The following ADK variants were observed in gnomAD, a reference collection of about 807,000 sequenced individuals.
The protein encoded by ADK is N6,N6-dimethyladenosine kinase.
Under a neutral mutation model 44.7 loss-of-function variants are expected in ADK, and 24 were observed. The observed-to-expected ratio is 0.54, with a 90% CI of 0.39 to 0.76. The LOEUF is 0.76. ADK is among the 30% of genes least tolerant of loss of function. The pLI, the probability that ADK is intolerant of heterozygous loss-of-function variation, is 0.00. For synonymous variants in ADK, 128 were observed against 142.6 expected (o/e 0.90, Z 0.73); for missense variants, 321 against 425.1 (o/e 0.76, Z 2.15).
intron 2 of ADK, among the ~76,000 whole-genome samples, chr10:74,211,178 C>G (rs929213862): frequency 1.3e-5 from 2 of 152,142 alleles, no homozygotes; most frequent in Admixed American, 1.3e-4. Context: ...AGCTACCGTG[C>G]CCGGTCTTTT....
intron 1 of ADK, among the ~76,000 whole-genome samples, chr10:74,200,113 A>G (rs1843316958): frequency 6.7e-6 from 1 of 148,622 alleles, no homozygotes; most frequent in Non-Finnish European, 1.5e-5. Flanking sequence ...TCCCATCAGC[A>G]GTTTATAAGT....
At chr10:74,440,141 G>T (rs372592017) in intron 6 of ADK, among the ~76,000 whole-genome samples, 2 of 151,882 alleles carry the variant, frequency 1.3e-5, no homozygotes, top group African/African-American at 4.8e-5. Flanking sequence ...GCTTAGTATT[G>T]TTTAAATAAT....
chr10:74,595,647 A>T (rs1851888138), intron 8 of ADK, among the ~76,000 whole-genome samples: 1 of 148,732 alleles, frequency 6.7e-6, no homozygotes, highest in Admixed American at 6.7e-5. Flanking sequence ...AAGTGGTGGG[A>T]TTACAAGCGT....
At chr10:74,314,888 C>G in intron 4 of ADK, 143 bp downstream of exon 4, 1 of 654,550 alleles carries the variant, frequency 1.5e-6, no homozygotes, top group South Asian at 1.8e-5. Flanking sequence ...CATTGCACAT[C>G]TAATCAAAAG....
chr10:74,158,436 GT>G (rs1174028628), intron 1 of ADK, among the ~76,000 whole-genome samples: 1 of 152,168 alleles, frequency 6.6e-6, no homozygotes, highest in East Asian at 1.9e-4. Flanking sequence ...GAAGCTGGAA[GT>G]TTTTTAAAAA....
At chr10:74,649,983 A>G (rs1213976472) in intron 9 of ADK, among the ~76,000 whole-genome samples, 3 of 152,230 alleles carry the variant, frequency 2.0e-5, no homozygotes, top group South Asian at 4.1e-4. Context: ...GTTCTCTTCA[A>G]TCTCAAAGCG....
At chr10:74,188,588 G>C (rs940461474) in intron 1 of ADK, among the ~76,000 whole-genome samples, 9 of 152,072 alleles carry the variant, frequency 5.9e-5, no homozygotes, top group East Asian at 1.9e-4. Context: ...TCCTGACCTC[G>C]TGACCTGCCT....
At chr10:74,504,230 G>GT (rs1025423595) in intron 6 of ADK, among the ~76,000 whole-genome samples, 50 of 147,828 alleles carry the variant, frequency 3.4e-4, no homozygotes, top group Admixed American at 9.5e-4. Flanking sequence ...TACTGTTGTT[G>GT]TTTTTTTTTT....
intron 4 of ADK, among the ~76,000 whole-genome samples, chr10:74,390,912 A>G (rs1843307547): frequency 6.6e-6 from 1 of 152,150 alleles, no homozygotes; most frequent in African/African-American, 2.4e-5. Context: ...GATAATGCTA[A>G]TTGATAATGG....
chr10:74,249,005 T>G lies in ADK; in HGVS notation c.194+24414T>G, dbSNP rs73284272. ...GTATATTTTCTCATTGCTTTATGATTATAAATATTTTCTGCTGCTTTTTGC... is the reference window on the plus strand; with the variant it reads ...GTATATTTTCTCATTGCTTTATGATGATAAATATTTTCTGCTGCTTTTTGC... On this transcript the variant is annotated intron_variant, in intron 3 of 10. Transcript: ENST00000539909. Among the ~76,000 whole-genome samples the G allele has an allele frequency of 5.7e-3, 866 of 152,342 alleles. 13 individuals carry two copies. Among genetic ancestry groups the G allele is most frequent in the African/African-American group, 0.02 (821 of 41,572 alleles).
At chr10:74,519,103 T>C (rs1327380096) in intron 6 of ADK, among the ~76,000 whole-genome samples, 2 of 151,992 alleles carry the variant, frequency 1.3e-5, no homozygotes, top group East Asian at 3.8e-4. Flanking sequence ...AAATATTTAT[T>C]GTTTCAACAT....
intron 9 of ADK, among the ~76,000 whole-genome samples, chr10:74,658,385 A>C (rs966799646): frequency 2.6e-5 from 4 of 152,164 alleles, no homozygotes; most frequent in African/African-American, 9.7e-5. Flanking sequence ...TAGACAGTCC[A>C]TAGATGGTCA....
intron 9 of ADK, among the ~76,000 whole-genome samples, chr10:74,648,520 A>G (rs1353681252): frequency 6.6e-6 from 1 of 151,890 alleles, no homozygotes; most frequent in Non-Finnish European, 1.5e-5. Flanking sequence ...TCTACTAAAA[A>G]TACAAAAATT....
intron 1 of ADK, among the ~76,000 whole-genome samples, chr10:74,178,457 CTTA>C (rs1842425124): frequency 6.6e-6 from 1 of 152,350 alleles, no homozygotes; most frequent in African/African-American, 2.4e-5. Context: ...CATTCCCACT[CTTA>C]TTATCACAGA....
intron 10 of ADK, among the ~76,000 whole-genome samples, chr10:74,674,045 C>T (rs1043563747): frequency 1.3e-5 from 2 of 151,988 alleles, no homozygotes; most frequent in African/African-American, 4.8e-5. Flanking sequence ...TGGGGTGGGC[C>T]ATGGGTGATT....
chr10:74,311,558 CA>C (rs2131794592), intron 3 of ADK, among the ~76,000 whole-genome samples: 1 of 152,154 alleles, frequency 6.6e-6, no homozygotes, highest in Admixed American at 6.5e-5. Context: ...TCCTTATTCA[CA>C]AATGATAATT....
intron 6 of ADK, among the ~76,000 whole-genome samples, chr10:74,472,589 T>C (rs796281817): frequency 8.5e-5 from 13 of 152,314 alleles, no homozygotes; most frequent in African/African-American, 2.9e-4. Flanking sequence ...TATCACCTAA[T>C]TTCCTAATAA....
At chr10:74,472,570 T>A (rs529835170) in intron 6 of ADK, among the ~76,000 whole-genome samples, 1 of 152,338 alleles carries the variant, frequency 6.6e-6, no homozygotes, top group Non-Finnish European at 1.5e-5. Flanking sequence ...TTTTGTAGTG[T>A]TGTTCCTCTA....
chr10:74,526,565 T>C (rs1849050192), intron 7 of ADK, among the ~76,000 whole-genome samples: 1 of 152,208 alleles, frequency 6.6e-6, no homozygotes, highest in Admixed American at 6.5e-5. Flanking sequence ...ATTTTATATC[T>C]AATAACTGCC....
Sources: gnomAD v4.1 joint callset for allele counts (sites outside exome capture counted in the v4.1 genomes callset) on GRCh38, gnomAD v4.1.1 for gene constraint, MANE v1.5 for transcripts, NCBI Gene and HGNC (gene_info 2026-07-23, HGNC 2026-07-21) for gene names.